Variants in P2RX5 observed in about 807,000 individuals in gnomAD.
The protein encoded by P2RX5 is P2X purinoceptor 5.
P2RX5 carries 46 observed loss-of-function variants against 54.1 expected under a neutral mutation model. The ratio of observed to expected loss-of-function variants is 0.85; its 90% confidence interval spans 0.67 to 1.09. The LOEUF (loss-of-function observed/expected upper bound fraction) is 1.09. Among genes scored for constraint, P2RX5 ranks in the 50% least tolerant of loss-of-function variants. The probability of loss-of-function intolerance (pLI) is 0.00; values close to 1 mark genes in which losing one functional copy is unlikely to be tolerated. For missense variants in P2RX5, 566 were observed against 549.8 expected, an observed-to-expected ratio of 1.03 and a Z score of -0.29; for synonymous variants, 226 against 226.4, an observed-to-expected ratio of 1.00 and a Z score of 0.02.
At chr17:3,699,094 CCT>C (rs1555571244), upstream of P2RX5, among the ~76,000 whole-genome samples, 58 of 107,016 alleles carry the variant, frequency 5.4e-4, no homozygotes, top group African/African-American at 2.3e-3. Flanking sequence ...CACACACACA[CCT>C]ATATATATAA....
chr17:3,703,687 T>C, the P2RX5 span, among the ~76,000 whole-genome samples: 2,720 of 152,184 alleles, frequency 0.018, 37 homozygotes, highest in Middle Eastern at 0.037. Flanking sequence ...ACGTGGGTTC[T>C]CTCTTCCCCT....
the P2RX5 span, among the ~76,000 whole-genome samples, chr17:3,719,234 T>TAAAAAAAAAAAAAAAAAAAAAA: frequency 3.2e-4 from 11 of 34,704 alleles, 2 homozygotes; most frequent in African/African-American, 1.4e-3. Flanking sequence ...AGATTCTTCC[T>TAAAAAAAAAAAAAAAAAAAAAA]CAAAAAAAAA....
chr17:3,676,236 G>A, intron 11 of P2RX5: 3 of 985,442 alleles, frequency 3.0e-6, no homozygotes, highest in Non-Finnish European at 3.6e-6. Context: ...GAGCTAGTCA[G>A]CTCCCAAGCC....
At chr17:3,688,445 G>C (rs2050511139) in intron 8 of P2RX5, among the ~76,000 whole-genome samples, 181 bp downstream of exon 8, 1 of 152,184 alleles carries the variant, frequency 6.6e-6, no homozygotes, top group Admixed American at 6.5e-5. Context: ...TCTCCCAGAG[G>C]CACCCCCAGC....
At chr17:3,695,781 G>A (rs1364589345) in intron 1 of P2RX5, 88 bp downstream of exon 1, 1 of 1,537,592 alleles carries the variant, frequency 6.5e-7, no homozygotes, top group East Asian at 2.3e-5. Context: ...GTGCACGCCT[G>A]CGAATTCCAG....
intron 1 of P2RX5, chr17:3,692,140 TC>T: frequency 5.7e-5 from 4 of 70,056 alleles, no homozygotes; most frequent in Non-Finnish European, 1.0e-4. Context: ...CTGTCTCTAC[TC>T]AAAAAAAAAA....
chr17:3,723,115 T>C, the P2RX5 span, among the ~76,000 whole-genome samples: 7 of 152,204 alleles, frequency 4.6e-5, no homozygotes, highest in Non-Finnish European at 1.0e-4. Context: ...AACTGGAGTA[T>C]ATCTCCCTCC....
At chr17:3,694,783 G>T (rs138825776) in intron 1 of P2RX5, among the ~76,000 whole-genome samples, 143 of 152,332 alleles carry the variant, frequency 9.4e-4, no homozygotes, top group African/African-American at 3.3e-3. Flanking sequence ...CCACCCTCAG[G>T]GCATTCCCGG....
At chr17:3,695,591 G>A (rs553877590) in intron 1 of P2RX5, among the ~76,000 whole-genome samples, 1 of 152,296 alleles carries the variant, frequency 6.6e-6, no homozygotes. Flanking sequence ...GGGAGAAGCA[G>A]CTGCAGGGAA....
chr17:3,690,216 G>C lies in P2RX5; in HGVS notation c.534-66C>G. The C allele has an allele frequency of 3.5e-6, 5 of 1,440,974 alleles. No homozygotes were observed. In the South Asian group the frequency reaches 5.7e-5, roughly 16 times the overall value. The allele number at this position is 1,440,974 out of a possible 1,614,324, so 89.3% of individuals were successfully genotyped here. ...CCCTGTGCCCCTCCCCCAGGCCTGG[G>C]CCAGTGTGAGGCCTGTTCCTTGGGT... On this transcript the variant is annotated intron_variant, in intron 5 of 11. Transcript: ENST00000225328.
At chr17:3,688,158 T>C (rs1468754782) in intron 8 of P2RX5, 53 bp from the exon 9 acceptor site, 11 of 948,742 alleles carry the variant, frequency 1.2e-5, no homozygotes, top group Admixed American at 1.9e-5. Flanking sequence ...CTTCCCTCTT[T>C]AGGCAGCACT....
intron 7 of P2RX5, 22 bp from the exon 8 acceptor site, chr17:3,688,781 G>T: frequency 1.2e-6 from 2 of 1,613,528 alleles, no homozygotes; most frequent in African/African-American, 1.3e-5. Flanking sequence ...AGAGATGAGG[G>T]TCAGCACACA....
chr17:3,688,520 G>T, intron 8 of P2RX5, 106 bp downstream of exon 8: 2 of 1,264,848 alleles, frequency 1.6e-6, no homozygotes, highest in Non-Finnish European at 2.3e-6. Context: ...TGCACCTCCC[G>T]CTCTGACACC....
At position 3,673,640 on chromosome 17, in the gene P2RX5, G is replaced by C; in HGVS notation, c.*228C>G. ...GCCACGGAGAAAGGAAGAACTGACG[G>C]CAGGGGGTGGGGCAAAAAGACAGCC... On this transcript the variant is annotated 3_prime_UTR_variant, in exon 12 of 12. Transcript: ENST00000225328. 7.0e-7 allele frequency: 1 copy of C among 1,434,882 alleles called. No homozygotes were observed. The highest frequency in any genetic ancestry group is 1.5e-5 in the South Asian group (1 of 67,486). 88.9% of individuals were successfully genotyped at this position (1,434,882 alleles called of 1,614,324 possible). A position where few individuals can be genotyped will look rare whatever the true frequency, so the allele number is the denominator to read the frequency against.
chr17:3,721,991 CCAA>C, the P2RX5 span, among the ~76,000 whole-genome samples: 1 of 151,868 alleles, frequency 6.6e-6, no homozygotes, highest in African/African-American at 2.4e-5. Context: ...ACCAGCCTCA[CCAA>C]CATGGAGAAA....
the P2RX5 span, among the ~76,000 whole-genome samples, chr17:3,703,240 C>G: frequency 6.6e-6 from 1 of 152,198 alleles, no homozygotes; most frequent in African/African-American, 2.4e-5. Flanking sequence ...CCCAGTGGCT[C>G]ACACCTACAA....
At chr17:3,677,656 A>T in intron 11 of P2RX5, 4 of 985,040 alleles carry the variant, frequency 4.1e-6, no homozygotes, top group Non-Finnish European at 4.8e-6. Context: ...TTGGCTTTGG[A>T]GGAATTACAC....
chr17:3,706,773 G>A, the P2RX5 span, among the ~76,000 whole-genome samples: 18 of 152,282 alleles, frequency 1.2e-4, no homozygotes, highest in South Asian at 4.1e-4. Flanking sequence ...CACCACGCCC[G>A]GCTAATTTTT....
At chr17:3,692,672 T>A (rs1453436461) in intron 1 of P2RX5, among the ~76,000 whole-genome samples, 2 of 151,858 alleles carry the variant, frequency 1.3e-5, no homozygotes, top group Admixed American at 1.3e-4. Context: ...TGAGACCCCA[T>A]CTCTATGAAA....
Sources: gnomAD v4.1 joint callset for allele counts (sites outside exome capture counted in the v4.1 genomes callset) on GRCh38, gnomAD v4.1.1 for gene constraint, MANE v1.5 for transcripts, NCBI Gene and HGNC (gene_info 2026-07-23, HGNC 2026-07-21) for gene names.